NFIB: variants seen among roughly 807,000 people sequenced by gnomAD.
The protein encoded by NFIB is nuclear factor I B.
In NFIB, 11 loss-of-function variants were observed where a neutral mutation model predicts 61.5. The ratio of observed to expected loss-of-function variants is 0.18; its 90% CI spans 0.11 to 0.30. The LOEUF (loss-of-function observed/expected upper bound fraction) is 0.30, where lower values mean the gene tolerates loss of function less well. Among genes scored for constraint, NFIB ranks in the 10% least tolerant of loss-of-function variants. NFIB has a pLI of 1.00. For synonymous variants in NFIB, 260 were observed against 216.5 expected, an observed-to-expected ratio of 1.20 and a Z score of -1.76; for missense variants, 471 against 608.9, an observed-to-expected ratio of 0.77 and a Z score of 2.38.
intron 2 of NFIB, among the ~76,000 whole-genome samples, chr9:14,295,556 G>A (rs1444557360): frequency 1.3e-5 from 2 of 151,986 alleles, no homozygotes; most frequent in African/African-American, 2.4e-5. Flanking sequence ...GCGTGAACCC[G>A]GGAGGCGGAG....
chr9:14,246,549 C>A (rs2054950421), intron 2 of NFIB, among the ~76,000 whole-genome samples: 1 of 152,204 alleles, frequency 6.6e-6, no homozygotes, highest in Non-Finnish European at 1.5e-5. Flanking sequence ...TTCCACACAT[C>A]TCATACATGG....
At chr9:14,130,747 T>C (rs978715781) in intron 6 of NFIB, among the ~76,000 whole-genome samples, 2 of 152,152 alleles carry the variant, frequency 1.3e-5, no homozygotes, top group African/African-American at 4.8e-5. Context: ...CAGCTTATTT[T>C]AGAATCTCTG....
At chr9:14,191,770 T>C (rs567970149) in intron 2 of NFIB, among the ~76,000 whole-genome samples, 111 of 152,342 alleles carry the variant, frequency 7.3e-4, no homozygotes, top group African/African-American at 2.6e-3. Flanking sequence ...TCAAGCTTTT[T>C]ACTGCAGACT....
At chr9:14,231,135 A>AAAAAAAATATATATAT (rs55959148) in intron 2 of NFIB, among the ~76,000 whole-genome samples, 1 of 35,344 alleles carries the variant, frequency 2.8e-5, no homozygotes, top group African/African-American at 1.0e-4. Flanking sequence ...AAAAAAAAAA[A>AAAAAAAATATATATAT]ATATATATAT....
chr9:14,348,146 C>A (rs1430460086), intron 1 of NFIB, among the ~76,000 whole-genome samples: 1 of 152,248 alleles, frequency 6.6e-6, no homozygotes, highest in South Asian at 2.1e-4. Context: ...CGTGAGGCCG[C>A]CGCGGCCCAT....
chr9:14,530,439 G>C, the NFIB span, among the ~76,000 whole-genome samples: 1 of 151,592 alleles, frequency 6.6e-6, no homozygotes, highest in Non-Finnish European at 1.5e-5. Context: ...AGAGGTTTCT[G>C]TCTCTCCTTG....
chr9:14,461,815 G>A, the NFIB span, among the ~76,000 whole-genome samples: 6 of 152,210 alleles, frequency 3.9e-5, no homozygotes, highest in Non-Finnish European at 8.8e-5. Flanking sequence ...CAGATCTTAA[G>A]TGGGTGCTCT....
chr9:14,200,855 C>T, intron 2 of NFIB, among the ~76,000 whole-genome samples: 1 of 152,128 alleles, frequency 6.6e-6, no homozygotes, highest in East Asian at 1.9e-4. Flanking sequence ...ATATCTAGCC[C>T]TAACCTCTTC....
At chr9:14,491,404 C>G in the NFIB span, among the ~76,000 whole-genome samples, 3,097 of 152,160 alleles carry the variant, frequency 0.02, 121 homozygotes, top group African/African-American at 0.071. Flanking sequence ...CAGAAAGTGG[C>G]AACAAAATGT....
chr9:14,387,017 C>A (rs2061557126), intron 1 of NFIB, among the ~76,000 whole-genome samples: 1 of 152,168 alleles, frequency 6.6e-6, no homozygotes, highest in African/African-American at 2.4e-5. Context: ...AAACTGACCA[C>A]AGAATGCTTT....
intron 1 of NFIB, among the ~76,000 whole-genome samples, chr9:14,344,108 A>AAG (rs149708104): frequency 0.076 from 10,749 of 141,416 alleles, 1,018 homozygotes; most frequent in African/African-American, 0.23. Context: ...GAGAGAGAGA[A>AAG]AGAGAGAGAG....
At chr9:14,390,364 G>A (rs940968683) in intron 1 of NFIB, among the ~76,000 whole-genome samples, 1 of 152,130 alleles carries the variant, frequency 6.6e-6, no homozygotes. Flanking sequence ...AATTTTGGGG[G>A]AAAGGAATGT....
rs1248321812 is a variant in NFIB, at chr9:14,143,345, TTGGTC to T, written c.925+3339_925+3343del. ...TTAAGAACAGAATACATATAATAATTTGGTCATATTATATCCTTTATTTTTGCCTA... is the reference window on the plus strand; with the variant it reads ...TTAAGAACAGAATACATATAATAATTATATTATATCCTTTATTTTTGCCTA... On this transcript the variant is annotated intron_variant, in intron 6 of 10. Coordinates refer to ENST00000380953, the MANE Select transcript of NFIB (RefSeq NM_001190737.2). Among the ~76,000 whole-genome samples, 115 of 152,262 alleles carry T rather than the reference TTGGTC, an allele frequency of 7.6e-4. No homozygotes were observed. The Middle Eastern group carries it at 0.017, about 23-fold the overall frequency.
At chr9:14,489,417 C>A in the NFIB span, among the ~76,000 whole-genome samples, 34 of 152,252 alleles carry the variant, frequency 2.2e-4, no homozygotes, top group East Asian at 5.4e-3. Context: ...TATTTGTGTG[C>A]CTTTCTTTGT....
intron 2 of NFIB, among the ~76,000 whole-genome samples, chr9:14,252,400 G>C (rs2055732787): frequency 6.6e-6 from 1 of 151,944 alleles, no homozygotes; most frequent in South Asian, 2.1e-4. Context: ...AAATACTGTA[G>C]ATTTTCTATA....
intron 3 of NFIB, among the ~76,000 whole-genome samples, chr9:14,172,482 A>G (rs979547130): frequency 2.0e-5 from 3 of 152,232 alleles, no homozygotes; most frequent in South Asian, 2.1e-4. Context: ...AAGCTTCTAC[A>G]AGATAAATTC....
At chr9:14,237,502 T>C (rs1425015436) in intron 2 of NFIB, among the ~76,000 whole-genome samples, 1 of 152,164 alleles carries the variant, frequency 6.6e-6, no homozygotes, top group Non-Finnish European at 1.5e-5. Flanking sequence ...ATGTACCTTC[T>C]CATTAAACAG....
chr9:14,339,451 C>T (rs1311288705), intron 1 of NFIB, among the ~76,000 whole-genome samples: 1 of 152,064 alleles, frequency 6.6e-6, no homozygotes, highest in Non-Finnish European at 1.5e-5. Context: ...CCCGTTGTTT[C>T]CCCCTTAAAC....
intron 2 of NFIB, among the ~76,000 whole-genome samples, chr9:14,184,875 T>C (rs1029639756): frequency 1.3e-5 from 2 of 151,930 alleles, no homozygotes; most frequent in African/African-American, 4.8e-5. Flanking sequence ...TACAAAAAAG[T>C]AGCCAGGTGC....
Sources: allele counts gnomAD v4.1 joint callset (sites outside exome capture counted in the v4.1 genomes callset), GRCh38; gene constraint gnomAD v4.1.1; transcripts MANE v1.5; gene names NCBI Gene and HGNC (gene_info 2026-07-23, HGNC 2026-07-21).